Variants in NKTR observed in about 807,000 individuals in gnomAD.
The protein encoded by NKTR is NK-tumor recognition protein.
In NKTR, 67 loss-of-function variants were observed where a neutral mutation model predicts 156.3. That is an observed-to-expected ratio of 0.43 (90% CI 0.35 to 0.53). The LOEUF (loss-of-function observed/expected upper bound fraction) is 0.53, where lower values mean the gene tolerates loss of function less well. Among genes scored for constraint, NKTR ranks in the 20% least tolerant of loss-of-function variants. NKTR has a pLI of 0.01. For synonymous variants in NKTR, 640 were observed against 596.6 expected, an observed-to-expected ratio of 1.07 and a Z score of -1.06; for missense variants, 1,604 against 1,730.9, an observed-to-expected ratio of 0.93 and a Z score of 1.30.
chr3:42,633,180 C>T (rs1332235039), intron 9 of NKTR: 6 of 403,756 alleles, frequency 1.5e-5, no homozygotes, highest in Non-Finnish European at 2.2e-5. Context: ...GCTAGGACTA[C>T]GGGCGTATAC....
chr3:42,604,995 T>G (rs1287058614), intron 2 of NKTR, among the ~76,000 whole-genome samples: 1 of 152,110 alleles, frequency 6.6e-6, no homozygotes, highest in African/African-American at 2.4e-5. Context: ...CGGCCGTATT[T>G]CTCTTTTAAG....
chr3:42,631,640 G>A (rs923460627), intron 8 of NKTR, among the ~76,000 whole-genome samples: 4 of 152,096 alleles, frequency 2.6e-5, no homozygotes, highest in East Asian at 1.9e-4. Context: ...TCCTAGGCCC[G>A]CTGTGGTCTG....
In NKTR at chr3:42,637,160, CGTT is replaced by C; in HGVS notation, c.1457_1459del (p.Arg486_Ser487delinsPro). 1 of 1,611,800 alleles carries C rather than the reference CGTT, an allele frequency of 6.2e-7. No individual in the cohort carries two copies. Among genetic ancestry groups the C allele is most frequent in the Non-Finnish European group, 8.5e-7 (1 of 1,179,440 alleles). ...CTCTTGTGATAGAGAAAGGAGTTCT[CGTT>C]CTTCCTCATTGTCATCTCATCACTC... On this transcript the variant is annotated inframe_deletion, in exon 13 of 17. Coordinates refer to ENST00000232978, the MANE Select transcript of NKTR (RefSeq NM_005385.4).
In NKTR at chr3:42,637,444, TAAAAC is replaced by T; in HGVS notation, c.1742_1746del (p.Lys581ArgfsTer11). 1 of 1,613,006 alleles carries T rather than the reference TAAAAC, an allele frequency of 6.2e-7. No homozygotes were observed. Among genetic ancestry groups the T allele is most frequent in the Non-Finnish European group, 8.5e-7 (1 of 1,179,714 alleles). ...CTCAGTTAAGTGAAAATAAACCAGT[TAAAAC>T]AGAACCTTTAAGAGCAACCATGGCA... On this transcript the variant is annotated frameshift_variant, in exon 13 of 17. Transcript: ENST00000232978. LOFTEE classifies it high-confidence loss of function.
At chr3:42,630,618 G>T (rs200721336) in intron 7 of NKTR, 43 bp downstream of exon 7, 3 of 1,610,700 alleles carry the variant, frequency 1.9e-6, no homozygotes, top group South Asian at 2.2e-5. Flanking sequence ...TGTTTGGGTG[G>T]CCAGCCATAA....
intron 9 of NKTR, 24 bp from the exon 10 acceptor site, chr3:42,633,556 A>G: frequency 6.3e-7 from 1 of 1,598,492 alleles, no homozygotes. Flanking sequence ...ATACATTTTA[A>G]TCAGTGACTT....
At chr3:42,611,069 A>G (rs1056292732) in intron 2 of NKTR, 1 of 152,180 alleles carries the variant, frequency 6.6e-6, no homozygotes, top group African/African-American at 2.4e-5. Context: ...GATCAGGATA[A>G]ATAAGTGGTA....
At chr3:42,641,445 G>A (rs1028814082) in intron 13 of NKTR, among the ~76,000 whole-genome samples, 18 of 152,152 alleles carry the variant, frequency 1.2e-4, no homozygotes, top group African/African-American at 3.6e-4. Context: ...GGGGAGAAGG[G>A]TGGGGAGCCA....
chr3:42,629,514 T>C (rs1708699838), intron 6 of NKTR: 2 of 982,186 alleles, frequency 2.0e-6, no homozygotes, highest in South Asian at 9.4e-5. Context: ...TGTCTTAAAA[T>C]TGCCTTAAAA....
At chr3:42,613,645 A>G (rs1707061055) in intron 2 of NKTR, among the ~76,000 whole-genome samples, 1 of 152,192 alleles carries the variant, frequency 6.6e-6, no homozygotes, top group African/African-American at 2.4e-5. Flanking sequence ...GTATTGAAAG[A>G]TGATGTTTGA....
intron 2 of NKTR, among the ~76,000 whole-genome samples, chr3:42,616,850 C>T (rs1707417467): frequency 1.3e-5 from 2 of 152,234 alleles, no homozygotes; most frequent in Admixed American, 1.3e-4. Flanking sequence ...GCCTTGAAAT[C>T]CTGGGCTCAA....
rs1709482543 is a variant in NKTR, at chr3:42,637,013, A to G, written c.1309A>G (p.Lys437Glu). 1 of 1,612,792 alleles carries G rather than the reference A, an allele frequency of 6.2e-7. No homozygotes were observed. Among genetic ancestry groups the G allele is most frequent in the Non-Finnish European group, 8.5e-7 (1 of 1,179,700 alleles). Reference protein sequence around the residue: ...HKKRRKEKKVKHKKKGKKQKH... With the variant: ...HKKRRKEKKVEHKKKGKKQKH... ...AAAACGCAGAAAAGAAAAAAAGGTT[A>G]AGCATAAAAAGAAAGGGAAAAAGCA... Residue 437 changes from lysine to glutamate, a missense_variant, in exon 13 of 17, where the codon AAG (lysine) becomes GAG (glutamate). Transcript: ENST00000232978.
chr3:42,643,465 C>T (rs1422243822), intron 15 of NKTR, 70 bp downstream of exon 15: 1 of 1,282,308 alleles, frequency 7.8e-7, no homozygotes, highest in Admixed American at 1.7e-5. Flanking sequence ...ACTGTTTGTT[C>T]AAAGTGGTAT....
rs1429829386 is a variant in NKTR, at chr3:42,647,197, G to GTATAGCATAAA, written c.*1224_*1234dup. On this transcript the variant is annotated 3_prime_UTR_variant, in exon 17 of 17. Transcript: ENST00000232978. Reference sequence around the variant, plus strand: ...AGAGACAGGGGAAGAGGGATAGAGGGTATAGCATAAATTACATATTTTCAT... The same window carrying GTATAGCATAAA: ...AGAGACAGGGGAAGAGGGATAGAGGGTATAGCATAAATATAGCATAAATTACATATTTTCAT... 6.6e-6 allele frequency: 1 copy of GTATAGCATAAA among 150,954 alleles called. No homozygotes were observed. The highest frequency in any genetic ancestry group is 2.4e-5 in the African/African-American group (1 of 40,882). 9.4% of individuals were successfully genotyped at this position (150,954 alleles called of 1,614,324 possible).
At chr3:42,604,129 G>A (rs1421059614) in intron 2 of NKTR, among the ~76,000 whole-genome samples, 1 of 152,094 alleles carries the variant, frequency 6.6e-6, no homozygotes, top group Non-Finnish European at 1.5e-5. Flanking sequence ...TAATATCTGT[G>A]GGGTCTGTAG....
At chr3:42,632,315 C>T (rs1422696029) in intron 8 of NKTR, among the ~76,000 whole-genome samples, 2 of 151,996 alleles carry the variant, frequency 1.3e-5, no homozygotes, top group Admixed American at 1.3e-4. Flanking sequence ...AAGTGATTTG[C>T]TCACCTTGGC....
intron 6 of NKTR, chr3:42,628,368 A>G (rs1361099063): frequency 2.4e-5 from 24 of 985,156 alleles, no homozygotes; most frequent in South Asian, 4.7e-5. Flanking sequence ...CTAAACTTGA[A>G]TGTCATAAAG....
intron 2 of NKTR, among the ~76,000 whole-genome samples, chr3:42,616,835 T>C (rs1453357750): frequency 6.6e-6 from 1 of 152,192 alleles, no homozygotes; most frequent in Non-Finnish European, 1.5e-5. Context: ...TCATAGCTCA[T>C]TGCAGCCTTG....
intron 6 of NKTR, chr3:42,627,627 C>A (rs1708511196): frequency 2.0e-6 from 2 of 984,874 alleles, no homozygotes; most frequent in Non-Finnish European, 2.4e-6. Context: ...ATACCTTGCA[C>A]ACATGTTTTT....
Sources: allele counts gnomAD v4.1 joint callset (sites outside exome capture counted in the v4.1 genomes callset), GRCh38; gene constraint gnomAD v4.1.1; transcripts MANE v1.5; gene names NCBI Gene and HGNC (gene_info 2026-07-23, HGNC 2026-07-21).